The following PPTC7 variants were observed in gnomAD, a reference collection of about 807,000 sequenced individuals.
The protein encoded by PPTC7 is protein phosphatase targeting COQ7.
Under a neutral mutation model 30.8 loss-of-function variants are expected in PPTC7, and 6 were observed. The ratio of observed to expected loss-of-function variants is 0.19; its 90% CI spans 0.11 to 0.38. The LOEUF is 0.38. PPTC7 is among the 10% of genes least tolerant of loss of function. The pLI is 1.00. For synonymous variants in PPTC7, 163 were observed against 168.1 expected, an observed-to-expected ratio of 0.97 and a Z score of 0.23; for missense variants, 218 against 404.8, an observed-to-expected ratio of 0.54 and a Z score of 3.96.
chr12:110,573,062 T>C (rs1025895967), intron 1 of PPTC7, among the ~76,000 whole-genome samples: 7 of 152,136 alleles, frequency 4.6e-5, no homozygotes, highest in Non-Finnish European at 1.0e-4. Flanking sequence ...GTATTTTCAG[T>C]AGAGACGGGG....
intron 1 of PPTC7, among the ~76,000 whole-genome samples, chr12:110,552,809 A>G (rs979622838): frequency 2.0e-5 from 3 of 152,166 alleles, no homozygotes; most frequent in Non-Finnish European, 4.4e-5. Context: ...GCTTGCAGTG[A>G]GCCAAGATCG....
intron 3 of PPTC7, 62 bp downstream of exon 3, chr12:110,545,818 C>T (rs1404833217): frequency 4.1e-6 from 6 of 1,461,394 alleles, no homozygotes; most frequent in Non-Finnish European, 5.8e-6. Flanking sequence ...TCAAGGGGGA[C>T]AGGAGGGGAC....
In PPTC7 at chr12:110,542,758, AAGGGCAGGAAC is replaced by A. The variant is rs922155086; in HGVS notation, c.603-2824_603-2814del. On this transcript the variant is annotated intron_variant, in intron 3 of 5. Coordinates refer to ENST00000354300, the MANE Select transcript of PPTC7 (RefSeq NM_139283.2). The stretch of plus-strand genomic sequence containing the variant: ...ACCTTTGAGGACAGAATATGTGGCT[AAGGGCAGGAAC>A]AGGAGGCAGATGTCTCACTAAACTT... Among the ~76,000 whole-genome samples the A allele has an allele frequency of 7.2e-5, 11 of 151,942 alleles. No individual in the cohort carries two copies. In the East Asian group the frequency reaches 1.5e-3, roughly 21 times the overall value.
rs1483221894 is a variant in PPTC7 at position 110,583,276 on chromosome 12, T to C, written c.-245A>G. ...GCCTCAGCCCAACTGAAGTCCCGGC[T>C]GCAGCGGCCGCCGCCGCCGCCGCCA... On this transcript the variant is annotated 5_prime_UTR_variant, in exon 1 of 6. Transcript: ENST00000354300. The C allele has an allele frequency of 1.9e-5, 3 of 154,990 alleles. No homozygotes were observed. Among genetic ancestry groups the C allele is most frequent in the Middle Eastern group, 3.7e-3 (1 of 272 alleles). The allele number at this position is 154,990 out of a possible 1,614,324, so 9.6% of individuals were successfully genotyped here.
chr12:110,580,987 T>A (rs1470715987), intron 1 of PPTC7, among the ~76,000 whole-genome samples: 1 of 151,920 alleles, frequency 6.6e-6, no homozygotes, highest in African/African-American at 2.4e-5. Flanking sequence ...CTTGACCTCA[T>A]GATCCACCCG....
At chr12:110,577,188 A>AAAT (rs1555216124) in intron 1 of PPTC7, among the ~76,000 whole-genome samples, 13 of 149,524 alleles carry the variant, frequency 8.7e-5, no homozygotes, top group Admixed American at 2.0e-4. Flanking sequence ...AAAAAAAAAA[A>AAAT]TTCACTCAGG....
intron 2 of PPTC7, among the ~76,000 whole-genome samples, chr12:110,550,832 G>T (rs1013486919): frequency 6.6e-6 from 1 of 152,192 alleles, no homozygotes; most frequent in Non-Finnish European, 1.5e-5. Flanking sequence ...GCAGTGTGGG[G>T]TGACCAAACA....
intron 1 of PPTC7, among the ~76,000 whole-genome samples, chr12:110,581,358 G>A (rs1417850054): frequency 6.6e-6 from 1 of 152,018 alleles, no homozygotes; most frequent in Non-Finnish European, 1.5e-5. Flanking sequence ...AGGCTGCAGT[G>A]AGCCAAGATT....
intron 1 of PPTC7, among the ~76,000 whole-genome samples, chr12:110,574,811 C>T (rs2064573861): frequency 6.6e-6 from 1 of 152,086 alleles, no homozygotes; most frequent in Admixed American, 6.6e-5. Flanking sequence ...CAGAGACTGG[C>T]TCTATCATCC....
rs922823316 is a variant in PPTC7, at chr12:110,533,464, C to T, written c.*3573G>A. On this transcript the variant is annotated 3_prime_UTR_variant, in exon 6 of 6. Transcript: ENST00000354300. Reference sequence around the variant, plus strand: ...ATTTAGCCATCTTTGCCACAAACTACCTGCTAACAGTTAAAATTCTGACAT... The same window carrying T: ...ATTTAGCCATCTTTGCCACAAACTATCTGCTAACAGTTAAAATTCTGACAT... The T allele has an allele frequency of 6.6e-5, 10 of 152,080 alleles. No individual in the cohort carries two copies. The highest frequency in any genetic ancestry group is 1.2e-4 in the African/African-American group (5 of 41,400). 9.4% of individuals were successfully genotyped at this position (152,080 alleles called of 1,614,324 possible).
Position 110,539,891 on chromosome 12 carries a change from C to A in PPTC7, c.657G>T (p.Leu219=). 1 of 1,614,088 alleles carries A rather than the reference C, an allele frequency of 6.2e-7. No individual in the cohort carries two copies. Among genetic ancestry groups the A allele is most frequent in the South Asian group, 1.1e-5 (1 of 91,078 alleles). ...TGTCAAAGAGTCCATCTGTTGCCGT[C>A]AGGATAATGTCTCCTAGCTGGACAT... ...SFDVQLGDII[L]TATDGLFDNM... The change falls in exon 4 of 6, where the codon CTG becomes CTT. Residue 219 remains leucine (L), a synonymous_variant. Coordinates refer to ENST00000354300, the MANE Select transcript of PPTC7 (RefSeq NM_139283.2).
At position 110,546,262 on chromosome 12, in the gene PPTC7, G is replaced by C. The variant is rs539471024; in HGVS notation, c.404-184C>G. On this transcript the variant is annotated intron_variant, in intron 2 of 5. Coordinates refer to ENST00000354300, the MANE Select transcript of PPTC7 (RefSeq NM_139283.2). ...ATAAAATCCTGATCAGGGTTAACACGGTGGGGAAAGAAAAAGGATTTGTAT... is the reference window on the plus strand; with the variant it reads ...ATAAAATCCTGATCAGGGTTAACACCGTGGGGAAAGAAAAAGGATTTGTAT... The C allele has an allele frequency of 2.7e-5, 16 of 589,910 alleles. No individual in the cohort carries two copies. In the African/African-American group the frequency reaches 3.0e-4, roughly 11 times the overall value. The allele number at this position is 589,910 out of a possible 1,614,324, so 36.5% of individuals were successfully genotyped here.
At chr12:110,538,018 CCACAAGTG>C in intron 5 of PPTC7, 118 bp downstream of exon 5, 1 of 968,922 alleles carries the variant, frequency 1.0e-6, no homozygotes, top group Non-Finnish European at 1.5e-6. Flanking sequence ...TTGCTGAAAG[CCACAAGTG>C]CACAGTTTGG....
In PPTC7 at chr12:110,534,397, CGTGTGTGT is replaced by C. The variant is rs149391682; in HGVS notation, c.*2632_*2639del. 6.7e-6 allele frequency: 1 copy of C among 149,494 alleles called. No homozygotes were observed. Among genetic ancestry groups the C allele is most frequent in the South Asian group, 2.1e-4 (1 of 4,730 alleles). The allele number at this position is 149,494 out of a possible 1,614,324, so 9.3% of individuals were successfully genotyped here. ...TGTTATAAAAGTCCATTACATGAGG[CGTGTGTGT>C]GTGTGTGTGTTGCTTAAAATATAAT... On this transcript the variant is annotated 3_prime_UTR_variant, in exon 6 of 6. Coordinates refer to ENST00000354300, the MANE Select transcript of PPTC7 (RefSeq NM_139283.2).
At chr12:110,540,668 C>A (rs575306607) in intron 3 of PPTC7, among the ~76,000 whole-genome samples, 1 of 152,032 alleles carries the variant, frequency 6.6e-6, no homozygotes, top group African/African-American at 2.4e-5. Context: ...CAGCCCACCC[C>A]CTCTTATTCA....
chr12:110,582,741 G>T, intron 1 of PPTC7, 68 bp downstream of exon 1: 1 of 1,321,090 alleles, frequency 7.6e-7, no homozygotes, highest in Non-Finnish European at 1.0e-6. Context: ...AACTGGGGAA[G>T]CCCCGCGCGG....
intron 1 of PPTC7, among the ~76,000 whole-genome samples, chr12:110,568,258 T>G (rs1018744027): frequency 1.3e-5 from 2 of 151,080 alleles, no homozygotes; most frequent in East Asian, 3.9e-4. Context: ...CATGCGTTTT[T>G]TTTTTTTTTT....
At chr12:110,542,972 C>T (rs1056289075) in intron 3 of PPTC7, among the ~76,000 whole-genome samples, 5 of 152,184 alleles carry the variant, frequency 3.3e-5, no homozygotes, top group Non-Finnish European at 5.9e-5. Context: ...AGTTTCCCTC[C>T]TTCCAGGCCT....
At chr12:110,566,256 C>A (rs2064482280) in intron 1 of PPTC7, among the ~76,000 whole-genome samples, 1 of 152,164 alleles carries the variant, frequency 6.6e-6, no homozygotes, top group East Asian at 1.9e-4. Context: ...TTAAGCAAAA[C>A]CCCTTAATTA....
Sources: allele counts gnomAD v4.1 joint callset (sites outside exome capture counted in the v4.1 genomes callset), GRCh38; gene constraint gnomAD v4.1.1; transcripts MANE v1.5; gene names NCBI Gene and HGNC (gene_info 2026-07-23, HGNC 2026-07-21).